The following NIPAL3 variants were observed in gnomAD, a reference collection of about 807,000 sequenced individuals.
NIPAL3 encodes the protein NIPA-like protein 3.
A neutral mutation model predicts 47.2 loss-of-function variants in NIPAL3; 41 were observed. The ratio of observed to expected loss-of-function variants is 0.87; its 90% confidence interval spans 0.68 to 1.13. The LOEUF is 1.13. Among genes scored for constraint, NIPAL3 ranks in the 50% most tolerant of loss-of-function variants. The pLI, the probability that NIPAL3 is intolerant of heterozygous loss-of-function variation, is 0.00. For missense variants in NIPAL3, 449 were observed against 530.1 expected, an observed-to-expected ratio of 0.85 and a Z score of 1.50; for synonymous variants, 194 against 209.6, an observed-to-expected ratio of 0.93 and a Z score of 0.64.
In NIPAL3 at chr1:24,440,828, G is replaced by A. The variant is rs116595264; in HGVS notation, c.162+588G>A. 2.7e-3 allele frequency among the ~76,000 whole-genome samples: 413 copies of A among 152,246 alleles called. 3 individuals carry two copies. The highest frequency in any genetic ancestry group is 9.3e-3 in the African/African-American group (386 of 41,534). Reference sequence around the variant, plus strand: ...CTGCCTTCTGCCAGCAGGGGTGGGAGGCAGGGAATAAATGCCCCAGGCTCT... The same window carrying A: ...CTGCCTTCTGCCAGCAGGGGTGGGAAGCAGGGAATAAATGCCCCAGGCTCT... On this transcript the variant is annotated intron_variant, in intron 3 of 11. Coordinates refer to ENST00000374399, the MANE Select transcript of NIPAL3 (RefSeq NM_020448.5).
rs758119841 is a variant in NIPAL3 at position 24,469,018 on chromosome 1, G to A, written c.1054G>A (p.Val352Ile). 3.1e-5 allele frequency: 50 copies of A among 1,614,048 alleles called. No homozygotes were observed. Among genetic ancestry groups the A allele is most frequent in the African/African-American group, 4.0e-5 (3 of 74,930 alleles). Residue 352 changes from valine (V) to isoleucine (I), a missense_variant, in exon 12 of 12, where the codon GTC (valine) becomes ATC (isoleucine). Physicochemically the swap from Val to Ile is conservative, Grantham distance 29. Coordinates refer to ENST00000374399, the MANE Select transcript of NIPAL3 (RefSeq NM_020448.5). ...GAACATGCACGATAAAGGGATGACT[G>A]TCCAGCCTGAACTTAAAGCTTCTTT... Reference protein sequence around the residue: ...MQNMHDKGMTVQPELKASFSY... With the variant: ...MQNMHDKGMTIQPELKASFSY...
intron 2 of NIPAL3, among the ~76,000 whole-genome samples, chr1:24,437,659 C>A (rs962384536): frequency 6.6e-6 from 1 of 152,170 alleles, no homozygotes; most frequent in African/African-American, 2.4e-5. Context: ...GCTCAGGCCT[C>A]ACCTTGGGCT....
Position 24,469,147 on chromosome 1 carries a change from G to A in NIPAL3, c.1183G>A (p.Val395Ile). The change falls in exon 12 of 12, where the codon GTC becomes ATC. Residue 395 changes from valine (V) to isoleucine (I), a missense_variant. By Grantham distance (29) the Val-to-Ile change is conservative. Coordinates refer to ENST00000374399, the MANE Select transcript of NIPAL3 (RefSeq NM_020448.5). ...GCACGGCTCCAGAAGTGCCTCTGGGGTCCCCTACCGAGTCCTAGAGCACAC... is the reference window on the plus strand; with the variant it reads ...GCACGGCTCCAGAAGTGCCTCTGGGATCCCCTACCGAGTCCTAGAGCACAC... ...EEHGSRSASG[V>I]PYRVLEHTKK... is the part of the protein sequence containing the mutation. The A allele has an allele frequency of 6.2e-7, 1 of 1,613,972 alleles. No individual in the cohort carries two copies. The highest frequency in any genetic ancestry group is 1.1e-5 in the South Asian group (1 of 91,080).
chr1:24,448,453 C>G (rs1352662408), intron 5 of NIPAL3, among the ~76,000 whole-genome samples: 3 of 152,134 alleles, frequency 2.0e-5, no homozygotes, highest in African/African-American at 7.2e-5. Context: ...TATATAGTTC[C>G]CTTGGCGTTA....
At chr1:24,437,218 C>G (rs1295299954) in intron 2 of NIPAL3, among the ~76,000 whole-genome samples, 1 of 152,106 alleles carries the variant, frequency 6.6e-6, no homozygotes, top group East Asian at 1.9e-4. Flanking sequence ...CGCCACTGCA[C>G]TCCAGCCTGG....
rs1008496450 is a variant in NIPAL3 at position 24,451,448 on chromosome 1, C to T, written c.540+1822C>T. On this transcript the variant is annotated intron_variant, in intron 6 of 11. Coordinates refer to ENST00000374399, the MANE Select transcript of NIPAL3 (RefSeq NM_020448.5). This position sits in a 1 kb window ranked among gnomAD's most constrained non-coding sequence, Gnocchi z 4.5. ...TGGTGGCTCACACCTATAATCTCAG[C>T]ACTTTGGGAGGCCGAGGTAGGAGGA... Among the ~76,000 whole-genome samples the T allele has an allele frequency of 6.6e-6, 1 of 152,060 alleles. No individual in the cohort carries two copies. The highest frequency in any genetic ancestry group is 1.5e-5 in the Non-Finnish European group (1 of 68,020).
chr1:24,443,531 C>T (rs79103553), intron 4 of NIPAL3, among the ~76,000 whole-genome samples: 1,627 of 152,290 alleles, frequency 0.011, 29 homozygotes, highest in African/African-American at 0.035. Flanking sequence ...GGCATTCCTT[C>T]CTAGAGAGCA....
chr1:24,458,874 C>G lies in NIPAL3; in HGVS notation c.774-14C>G. 5.0e-6 allele frequency: 8 copies of G among 1,611,578 alleles called. No homozygotes were observed. The highest frequency in any genetic ancestry group is 6.8e-6 in the Non-Finnish European group (8 of 1,177,730). The stretch of plus-strand genomic sequence containing the variant: ...TCTCCACAGCCCACTGACTGGAGTG[C>G]TTTTGTGTTGAAGGTTTTTGAGTCA... On this transcript the variant is annotated splice_polypyrimidine_tract_variant and intron_variant, in intron 8 of 11. Transcript: ENST00000374399.
chr1:24,458,025 T>C (rs1646302798), intron 8 of NIPAL3, among the ~76,000 whole-genome samples: 1 of 152,218 alleles, frequency 6.6e-6, no homozygotes, highest in East Asian at 1.9e-4. Context: ...ACTCATTCCC[T>C]AGCCAGTGCA....
At position 24,456,209 on chromosome 1, in the gene NIPAL3, C is replaced by G; in HGVS notation, c.709C>G (p.Leu237Val). ...LVLSIQGNLQ[L>V]DYPIFYVMFV... ...CTTGTCCATTCAAGGGAACCTGCAG[C>G]TTGACTACCCCATCTTCTACGTGAT... Residue 237 changes from leucine to valine, a missense_variant, in exon 8 of 12, where the codon CTT becomes GTT. Physicochemically the swap from Leu to Val is conservative, Grantham distance 32. Transcript: ENST00000374399. The G allele has an allele frequency of 6.2e-7, 1 of 1,614,222 alleles. No homozygotes were observed.
intron 10 of NIPAL3, among the ~76,000 whole-genome samples, chr1:24,462,659 C>T (rs751762034): frequency 8.6e-5 from 13 of 151,898 alleles, no homozygotes; most frequent in African/African-American, 1.2e-4. Context: ...CCCAGCTACT[C>T]GGGAGGCTGA....
chr1:24,460,972 A>G (rs375080015), intron 10 of NIPAL3, among the ~76,000 whole-genome samples: 1 of 152,330 alleles, frequency 6.6e-6, no homozygotes, highest in East Asian at 1.9e-4. Context: ...AAAAAATCCA[A>G]ACAAGCATAC....
rs180786744 is a variant in NIPAL3 at position 24,433,384 on chromosome 1, T to A, written c.94-6788T>A. On this transcript the variant is annotated intron_variant, in intron 2 of 11. Transcript: ENST00000374399. ...CAGGCCACAAATGGGTTGAGGGGGT[T>A]GGGTATGCTCTGCCTCAGGCCAGGT... Among the ~76,000 whole-genome samples the A allele has an allele frequency of 1.8e-3, 276 of 152,224 alleles. 1 individual carries two copies. Among genetic ancestry groups the A allele is most frequent in the South Asian group, 0.017 (83 of 4,818 alleles).
chr1:24,428,111 G>A (rs1274739190), intron 2 of NIPAL3, among the ~76,000 whole-genome samples: 2 of 152,120 alleles, frequency 1.3e-5, no homozygotes, highest in Non-Finnish European at 2.9e-5. Flanking sequence ...GCAATGGCAT[G>A]CACCTGTAGT....
Position 24,456,021 on chromosome 1 carries a change from G to A in NIPAL3, c.638-117G>A, listed in dbSNP as rs1025815160. On this transcript the variant is annotated intron_variant, in intron 7 of 11. Transcript: ENST00000374399. Reference sequence around the variant, plus strand: ...CTGTGCAAACTGCCGGCTTGACTCTGTTCCTGTTCCCTCCCCTCTGTCTCC... The same window carrying A: ...CTGTGCAAACTGCCGGCTTGACTCTATTCCTGTTCCCTCCCCTCTGTCTCC... 2.4e-6 allele frequency: 3 copies of A among 1,265,464 alleles called. No individual in the cohort carries two copies. The African/African-American group carries it at 4.5e-5, about 19-fold the overall frequency. The allele number at this position is 1,265,464 out of a possible 1,614,324, so 78.4% of individuals were successfully genotyped here. A position where few individuals can be genotyped will look rare whatever the true frequency, so the allele number is the denominator to read the frequency against.
chr1:24,441,841 A>C (rs1344326630), intron 3 of NIPAL3, among the ~76,000 whole-genome samples: 1 of 152,018 alleles, frequency 6.6e-6, no homozygotes, highest in Non-Finnish European at 1.5e-5. Context: ...AGGGGATTAT[A>C]AGGATTCCCA....
intron 5 of NIPAL3, among the ~76,000 whole-genome samples, chr1:24,447,097 G>GTAGGCCTTA (rs1553138607): frequency 6.6e-6 from 1 of 152,198 alleles, no homozygotes; most frequent in Non-Finnish European, 1.5e-5. Flanking sequence ...TGGCTGATGT[G>GTAGGCCTTA]TAGGCCTTAT....
chr1:24,444,194 G>A (rs1645538917), intron 4 of NIPAL3, among the ~76,000 whole-genome samples: 2 of 152,174 alleles, frequency 1.3e-5, no homozygotes, highest in Admixed American at 6.5e-5. Flanking sequence ...GGTACTTTTA[G>A]TAATAATATT....
chr1:24,443,920 G>C (rs1442944520), intron 4 of NIPAL3, among the ~76,000 whole-genome samples: 1 of 152,054 alleles, frequency 6.6e-6, no homozygotes, highest in Non-Finnish European at 1.5e-5. Flanking sequence ...ATCTCCAAAG[G>C]GCTCCCAAAC....
Sources: allele counts gnomAD v4.1 joint callset (sites outside exome capture counted in the v4.1 genomes callset), GRCh38; gene constraint gnomAD v4.1.1; non-coding constraint Gnocchi (gnomAD v3.1); transcripts MANE v1.5; gene names NCBI Gene and HGNC (gene_info 2026-07-23, HGNC 2026-07-21).